The following ZNF112 variants were observed in gnomAD, a reference collection of about 807,000 sequenced individuals.
The protein encoded by ZNF112 is zinc finger protein 112, also known as zinc finger protein 112 (Y14).
ZNF112 carries 37 observed loss-of-function variants against 77.7 expected under a neutral mutation model. That is an observed-to-expected ratio of 0.48 (90% CI 0.37 to 0.63). ZNF112 has a LOEUF of 0.63. Ranked by LOEUF, ZNF112 falls within the 20% of genes least tolerant of loss-of-function variation. ZNF112 has a pLI of 0.00. For synonymous variants in ZNF112, 333 were observed against 363.6 expected, an observed-to-expected ratio of 0.92 and a Z score of 0.96; for missense variants, 950 against 1,077.4, an observed-to-expected ratio of 0.88 and a Z score of 1.66.
chr19:44,363,165 C>T (rs1287991944), intron 1 of ZNF112, among the ~76,000 whole-genome samples: 1 of 151,506 alleles, frequency 6.6e-6, no homozygotes, highest in Non-Finnish European at 1.5e-5. Flanking sequence ...AAGATGGGGT[C>T]CCACTATGTT....
intron 3 of ZNF112, among the ~76,000 whole-genome samples, chr19:44,331,047 C>T (rs1970261657): frequency 6.6e-6 from 1 of 152,208 alleles, no homozygotes; most frequent in African/African-American, 2.4e-5. Flanking sequence ...ATAATAAGCT[C>T]TTCTTCAGAT....
intron 3 of ZNF112, 144 bp downstream of exon 3, chr19:44,336,479 C>T: frequency 3.1e-6 from 2 of 637,254 alleles, no homozygotes; most frequent in East Asian, 2.7e-5. Flanking sequence ...TACCTTAGGA[C>T]CTAATAGACC....
chr19:44,336,357 T>C (rs1970365921), intron 3 of ZNF112, among the ~76,000 whole-genome samples: 1 of 152,166 alleles, frequency 6.6e-6, no homozygotes. Context: ...AGAAGCATAA[T>C]TGAGAGGTCT....
intron 1 of ZNF112, among the ~76,000 whole-genome samples, chr19:44,354,331 C>T (rs1264659576): frequency 6.6e-6 from 1 of 151,820 alleles, no homozygotes; most frequent in Admixed American, 6.6e-5. Context: ...GAATTGTATA[C>T]CAAAAATAAC....
Position 44,364,104 on chromosome 19 carries a change from T to C in ZNF112, c.17+2977A>G, listed in dbSNP as rs554435755. ...TTTGTATTTTTAGTAGAGACAGGGT[T>C]TCTCCATGTTGGCCAGGCTGGTCTC... On this transcript the variant is annotated intron_variant, in intron 1 of 4. Transcript: ENST00000588057. Among the ~76,000 whole-genome samples, 45 of 152,246 alleles carry C rather than the reference T, an allele frequency of 3.0e-4. No homozygotes were observed. In the East Asian group the frequency reaches 5.4e-3, roughly 18 times the overall value.
chr19:44,343,565 G>A (rs1970532141), intron 1 of ZNF112, among the ~76,000 whole-genome samples: 1 of 152,180 alleles, frequency 6.6e-6, no homozygotes, highest in Non-Finnish European at 1.5e-5. Flanking sequence ...TTCTGGGAGA[G>A]GTGGGAAAGG....
At chr19:44,333,372 C>T (rs1236255428) in intron 3 of ZNF112, among the ~76,000 whole-genome samples, 2 of 152,152 alleles carry the variant, frequency 1.3e-5, no homozygotes, top group Non-Finnish European at 2.9e-5. Flanking sequence ...AGAGACAATA[C>T]AAGGTATAGT....
At chr19:44,356,867 G>T (rs558064701), upstream of ZNF112, among the ~76,000 whole-genome samples, 36 of 152,302 alleles carry the variant, frequency 2.4e-4, no homozygotes, top group African/African-American at 8.4e-4. Context: ...CAAGCTGAGA[G>T]CCTGGATGAT....
intron 1 of ZNF112, among the ~76,000 whole-genome samples, chr19:44,349,418 G>A (rs535419175): frequency 6.6e-6 from 1 of 152,116 alleles, no homozygotes; most frequent in South Asian, 2.1e-4. Flanking sequence ...CACAATGGAG[G>A]TGAAATATTT....
intron 1 of ZNF112, among the ~76,000 whole-genome samples, chr19:44,355,019 C>T (rs1970761109): frequency 6.6e-6 from 1 of 151,574 alleles, no homozygotes; most frequent in South Asian, 2.1e-4. Flanking sequence ...ATCAATCAAA[C>T]GATATTATAC....
chr19:44,357,965 A>G (rs1970812147), upstream of ZNF112, among the ~76,000 whole-genome samples: 1 of 152,130 alleles, frequency 6.6e-6, no homozygotes, highest in Non-Finnish European at 1.5e-5. Context: ...ATCCTGGCTA[A>G]CATGGTGAAA....
At chr19:44,358,875 C>G (rs1285873597), upstream of ZNF112, among the ~76,000 whole-genome samples, 5 of 152,118 alleles carry the variant, frequency 3.3e-5, no homozygotes, top group Non-Finnish European at 7.3e-5. Flanking sequence ...TCCACACCCC[C>G]AATCTGGTTC....
At chr19:44,356,868 C>T (rs1436004941), upstream of ZNF112, among the ~76,000 whole-genome samples, 3 of 152,182 alleles carry the variant, frequency 2.0e-5, no homozygotes, top group African/African-American at 4.8e-5. Context: ...AAGCTGAGAG[C>T]CTGGATGATA....
In ZNF112 at chr19:44,327,914, C is replaced by A; in HGVS notation, c.2243G>T (p.Cys748Phe). 6.2e-7 allele frequency: 1 copy of A among 1,613,962 alleles called. No homozygotes were observed. Among genetic ancestry groups the A allele is most frequent in the Non-Finnish European group, 8.5e-7 (1 of 1,179,962 alleles). ...TRVKPYKCEM[C>F]GKGFSQSSRL... ...CGAACTCTGACTAAAGCCCTTCCCA[C>A]ACATCTCACATTTATACGGTTTCAC... The change falls in exon 4 of 4, where the codon TGT (cysteine) becomes TTT (phenylalanine). Residue 748 changes from cysteine to phenylalanine, a missense_variant. Around this residue, in one of 3 missense-constraint regions of ZNF112, gnomAD observed 373 missense variants for 482.8 expected, o/e 0.77. Transcript: ENST00000354340.
upstream of ZNF112, among the ~76,000 whole-genome samples, chr19:44,358,091 G>A (rs574233430): frequency 1.5e-4 from 22 of 149,860 alleles, no homozygotes; most frequent in East Asian, 4.2e-3. Context: ...GGCGGAGCTT[G>A]CAGTGAGCCG....
At chr19:44,341,039 G>A (rs1475436361) in intron 1 of ZNF112, 3 of 423,546 alleles carry the variant, frequency 7.1e-6, no homozygotes, top group South Asian at 3.5e-5. Context: ...GGATCTGGGC[G>A]CTCTGCCCAA....
intron 1 of ZNF112, among the ~76,000 whole-genome samples, chr19:44,351,979 A>G (rs975290675): frequency 1.3e-5 from 2 of 152,156 alleles, no homozygotes; most frequent in African/African-American, 4.8e-5. Flanking sequence ...AATGAAAAAA[A>G]TCACTCAAAA....
At chr19:44,337,228 T>C (rs908669414) in intron 2 of ZNF112, among the ~76,000 whole-genome samples, 2 of 143,240 alleles carry the variant, frequency 1.4e-5, no homozygotes, top group African/African-American at 5.0e-5. Flanking sequence ...AGTATATATA[T>C]AAAATATATA....
chr19:44,333,454 G>A (rs1019046815), intron 3 of ZNF112, among the ~76,000 whole-genome samples: 6 of 152,078 alleles, frequency 3.9e-5, no homozygotes, highest in East Asian at 1.9e-4. Context: ...ATATGGTTTC[G>A]CTCTGCGTCC....
Sources: allele counts gnomAD v4.1 joint callset (sites outside exome capture counted in the v4.1 genomes callset), GRCh38; gene constraint gnomAD v4.1.1; regional missense constraint gnomAD v4.1.1; transcripts MANE v1.5; gene names NCBI Gene and HGNC (gene_info 2026-07-23, HGNC 2026-07-21).